Variants in EPB41L2 observed in about 807,000 individuals in gnomAD.
The protein encoded by EPB41L2 is band 4.1-like protein 2.
A neutral mutation model predicts 113.0 loss-of-function variants in EPB41L2; 43 were observed. The ratio of observed to expected loss-of-function variants is 0.38; its 90% CI spans 0.30 to 0.49. The LOEUF (loss-of-function observed/expected upper bound fraction) is 0.49. Ranked by LOEUF, EPB41L2 falls within the 20% of genes least tolerant of loss-of-function variation. The pLI, the probability that EPB41L2 is intolerant of heterozygous loss-of-function variation, is 0.95. For missense variants in EPB41L2, 1,147 were observed against 1,223.4 expected, an observed-to-expected ratio of 0.94 and a Z score of 0.93; for synonymous variants, 442 against 436.7, an observed-to-expected ratio of 1.01 and a Z score of -0.15.
In EPB41L2 at chr6:131,051,465, A is replaced by ACACAC. The variant is rs1554356252; in HGVS notation, c.-15+11689_-15+11690insGTGTG. On this transcript the variant is annotated intron_variant, in intron 1 of 19. Transcript: ENST00000337057. ...ACAAAAGTAAAGCAAAAAAAAAAAA[A>ACACAC]ACACACACACACACACACACAACAG... is the stretch of plus-strand genomic sequence containing the variant. Among the ~76,000 whole-genome samples, 155 of 143,632 alleles carry ACACAC rather than the reference A, an allele frequency of 1.1e-3. 3 individuals carry two copies. The East Asian group carries it at 0.026, about 24-fold the overall frequency. 94.2% of individuals were successfully genotyped at this position (143,632 alleles called of 152,430 possible). A position where few individuals can be genotyped will look rare whatever the true frequency, so the allele number is the denominator to read the frequency against.
intron 3 of EPB41L2, among the ~76,000 whole-genome samples, chr6:130,931,007 T>C (rs1806636790): frequency 6.6e-6 from 1 of 151,678 alleles, no homozygotes; most frequent in African/African-American, 2.4e-5. Context: ...GGAAGATAGA[T>C]CTGAAAAAAA....
chr6:130,875,252 G>T (rs2128457997), intron 14 of EPB41L2, among the ~76,000 whole-genome samples: 1 of 152,216 alleles, frequency 6.6e-6, no homozygotes, highest in Middle Eastern at 3.4e-3. Flanking sequence ...AATAATCTCT[G>T]TTCTCATTCA....
At chr6:130,850,281 C>A (rs1778412972) in intron 19 of EPB41L2, among the ~76,000 whole-genome samples, 1 of 152,064 alleles carries the variant, frequency 6.6e-6, no homozygotes. Context: ...CATACCAACT[C>A]CACTTTTAAA....
rs986164051 is a variant in EPB41L2 at position 130,939,935 on chromosome 6, T to C, written c.706-13226A>G. ...GGTAGAATGAACATGCACACTTAGC[T>C]CTGTTCCCTACAAAATCTGTTCTAA... On this transcript the variant is annotated intron_variant, in intron 3 of 19. Transcript: ENST00000337057. 4.6e-5 allele frequency among the ~76,000 whole-genome samples: 7 copies of C among 152,212 alleles called. No individual in the cohort carries two copies. In the South Asian group the frequency reaches 6.2e-4, roughly 14 times the overall value.
chr6:131,002,515 C>T (rs763762474), intron 1 of EPB41L2, among the ~76,000 whole-genome samples: 6 of 152,046 alleles, frequency 3.9e-5, no homozygotes, highest in Non-Finnish European at 8.8e-5. Flanking sequence ...TGAGCAATTG[C>T]TAAAGGAATT....
intron 1 of EPB41L2, among the ~76,000 whole-genome samples, chr6:131,019,811 T>C (rs1026293185): frequency 2.6e-5 from 4 of 152,154 alleles, no homozygotes; most frequent in African/African-American, 9.6e-5. Flanking sequence ...CATTTACCTG[T>C]AGTTTTCCTG....
At chr6:130,920,618 C>T (rs149838863) in intron 4 of EPB41L2, among the ~76,000 whole-genome samples, 2 of 152,212 alleles carry the variant, frequency 1.3e-5, no homozygotes, top group African/African-American at 4.8e-5. Flanking sequence ...ACCTCAGCAC[C>T]CCTCTCCCCT....
At chr6:130,955,963 T>C in intron 2 of EPB41L2, 31 bp downstream of exon 2, 2 of 1,585,534 alleles carry the variant, frequency 1.3e-6, no homozygotes, top group South Asian at 2.3e-5. Context: ...CTATCAGGTT[T>C]TCATTTCCAG....
chr6:130,926,463 T>C (rs989364621), intron 4 of EPB41L2, 142 bp downstream of exon 4: 19 of 648,462 alleles, frequency 2.9e-5, no homozygotes, highest in Non-Finnish European at 4.7e-5. Flanking sequence ...CAAGATAGTT[T>C]TTCAGTATTT....
intron 3 of EPB41L2, among the ~76,000 whole-genome samples, chr6:130,935,324 T>G (rs7769310): frequency 8.3e-4 from 127 of 152,178 alleles, no homozygotes; most frequent in African/African-American, 2.9e-3. Flanking sequence ...CCCTTCTTAC[T>G]TGTTATATAA....
chr6:130,928,901 G>A (rs754449667), intron 3 of EPB41L2, among the ~76,000 whole-genome samples: 13 of 152,218 alleles, frequency 8.5e-5, no homozygotes, highest in Non-Finnish European at 1.5e-4. Flanking sequence ...AACCCAGTGA[G>A]ATGGAATATG....
At position 130,894,328 on chromosome 6, in the gene EPB41L2, G is replaced by T. The variant is rs370523567; in HGVS notation, c.1487+16C>A. The T allele has an allele frequency of 5.6e-6, 9 of 1,607,784 alleles. No individual in the cohort carries two copies. Among genetic ancestry groups the T allele is most frequent in the Non-Finnish European group, 7.7e-6 (9 of 1,174,552 alleles). ...TGCGATCATGCCCGGCTTCCGAGCTGTTTTCCTAAAATTACCTGTAGAAAG... is the reference window on the plus strand; with the variant it reads ...TGCGATCATGCCCGGCTTCCGAGCTTTTTTCCTAAAATTACCTGTAGAAAG... On this transcript the variant is annotated intron_variant, in intron 10 of 19. Coordinates refer to ENST00000337057, the MANE Select transcript of EPB41L2 (RefSeq NM_001431.4).
intron 1 of EPB41L2, among the ~76,000 whole-genome samples, chr6:130,999,375 T>G (rs1440717411): frequency 6.6e-6 from 1 of 152,230 alleles, no homozygotes; most frequent in Non-Finnish European, 1.5e-5. Flanking sequence ...AAATCCAGCA[T>G]GCCTAAGTTT....
At chr6:131,039,491 C>G (rs1794012034) in intron 1 of EPB41L2, among the ~76,000 whole-genome samples, 1 of 152,134 alleles carries the variant, frequency 6.6e-6, no homozygotes, top group Admixed American at 6.5e-5. Context: ...GACCAGAGGC[C>G]TTAGAGATCA....
chr6:130,931,313 T>A (rs1444038987), intron 3 of EPB41L2, among the ~76,000 whole-genome samples: 1 of 152,092 alleles, frequency 6.6e-6, no homozygotes, highest in Non-Finnish European at 1.5e-5. Context: ...TTTTTTTAAA[T>A]AGCTATAATA....
At chr6:130,995,710 A>G (rs977948524) in intron 1 of EPB41L2, among the ~76,000 whole-genome samples, 4 of 152,202 alleles carry the variant, frequency 2.6e-5, no homozygotes, top group Middle Eastern at 3.2e-3. Context: ...TGTAGCACTC[A>G]TAAAAATTAA....
chr6:130,895,864 A>G (rs1794482004), intron 8 of EPB41L2, among the ~76,000 whole-genome samples: 1 of 152,208 alleles, frequency 6.6e-6, no homozygotes, highest in Non-Finnish European at 1.5e-5. Flanking sequence ...TAAAAACCAA[A>G]CAAATTTACA....
At chr6:130,851,522 C>T (rs1027624777) in intron 19 of EPB41L2, among the ~76,000 whole-genome samples, 1 of 152,216 alleles carries the variant, frequency 6.6e-6, no homozygotes, top group African/African-American at 2.4e-5. Flanking sequence ...AATCACAGCA[C>T]TAGCTCCAGT....
intron 4 of EPB41L2, among the ~76,000 whole-genome samples, chr6:130,917,449 T>C (rs940655194): frequency 6.6e-6 from 1 of 152,138 alleles, no homozygotes; most frequent in Non-Finnish European, 1.5e-5. Context: ...GGGTTCCTCA[T>C]CCTCCACCAT....
Sources: gnomAD v4.1 joint callset for allele counts (sites outside exome capture counted in the v4.1 genomes callset) on GRCh38, gnomAD v4.1.1 for gene constraint, MANE v1.5 for transcripts, NCBI Gene and HGNC (gene_info 2026-07-23, HGNC 2026-07-21) for gene names.